The following XIST variants were observed in gnomAD, a reference collection of about 807,000 sequenced individuals.
XIST encodes X inactive specific transcript.
chrX:73,834,027 T>C (rs978847038), intron 2 of XIST, among the ~76,000 whole-genome samples: 2 of 112,033 alleles, frequency 1.8e-5, no homozygotes, highest in Non-Finnish European at 3.8e-5. Context: ...AACTGTTCTA[T>C]GATGTTCTCA....
chrX:73,845,988 T>C (rs770851860), exon 1 of XIST: 17 of 551,642 alleles, frequency 3.1e-5, no homozygotes, highest in Admixed American at 6.8e-5. Context: ...AAAGTGGTTA[T>C]GCACATTAAT....
exon 1 of XIST, chrX:73,849,880 G>C (rs1850612007): frequency 2.0e-6 from 1 of 498,707 alleles, no homozygotes; most frequent in Non-Finnish European, 3.6e-6. Flanking sequence ...CTGGGGCAGG[G>C]CTGGGGCGGG....
rs937751647 is a variant in XIST at position 73,837,396 on chromosome X, T to A, written n.11406+44A>T. The A allele has an allele frequency of 6.4e-6, 3 of 466,599 alleles. No individual in the cohort carries two copies. In the African/African-American group the frequency reaches 7.3e-5, roughly 11 times the overall value. 38.5% of individuals were successfully genotyped at this position (466,599 alleles called of 1,213,427 possible). A position where few individuals can be genotyped will look rare whatever the true frequency, so the allele number is the denominator to read the frequency against. On this transcript the variant is annotated intron_variant and non_coding_transcript_variant, in intron 2 of 5. Transcript: ENST00000429829. The stretch of plus-strand genomic sequence containing the variant: ...ATACTGGACCATTAGTCCTCAAAAC[T>A]GTGAAGTTCATCAAAAACAAAGAGT...
At chrX:73,823,157 G>A (rs1922163639) in exon 6 of XIST, 1 of 552,254 alleles carries the variant, frequency 1.8e-6, no homozygotes. Flanking sequence ...TGTAATAAAA[G>A]CAGAATGTTT....
exon 6 of XIST, chrX:73,821,730 A>T (rs759786128): frequency 1.9e-6 from 1 of 528,994 alleles, no homozygotes; most frequent in Admixed American, 2.5e-5. Flanking sequence ...GTCAAAGCCC[A>T]GCCAGGCCTA....
exon 1 of XIST, chrX:73,841,396 C>A: frequency 1.9e-6 from 1 of 531,703 alleles, no homozygotes; most frequent in South Asian, 2.5e-5. Flanking sequence ...TTCTAAAGAG[C>A]CAGAGACTCT....
At position 73,827,079 on chromosome X, in the gene XIST, T is replaced by C. The variant is rs770883840; in HGVS notation, n.12822A>G. The C allele has an allele frequency of 5.4e-6, 3 of 556,789 alleles. No homozygotes were observed. In the African/African-American group the frequency reaches 6.7e-5, roughly 12 times the overall value. The allele number at this position is 556,789 out of a possible 1,213,427, so 45.9% of individuals were successfully genotyped here. A position where few individuals can be genotyped will look rare whatever the true frequency, so the allele number is the denominator to read the frequency against. On this transcript the variant is annotated non_coding_transcript_exon_variant, in exon 6 of 6. Transcript: ENST00000429829. ...CTCGGGTCTCAAGTCTCAAACCATC[T>C]GTCTTATACTTTGGGCCTTCTATCC...
exon 6 of XIST, chrX:73,820,682 C>T (rs1175625461): frequency 1.9e-6 from 1 of 533,373 alleles, no homozygotes; most frequent in South Asian, 2.5e-5. Flanking sequence ...TTTTATTTTA[C>T]AATAGCAACC....
exon 1 of XIST, chrX:73,850,336 A>G (rs1468354359): frequency 3.7e-6 from 2 of 540,621 alleles, no homozygotes; most frequent in Admixed American, 2.4e-5. Context: ...ATTTTAAGGA[A>G]CTCAAAACAA....
chrX:73,837,483 C>T (rs1348994201), exon 2 of XIST: 2 of 508,886 alleles, frequency 3.9e-6, no homozygotes. Context: ...ACACATGCAG[C>T]GTGGTATCTT....
rs781579856 is a variant in XIST, at chrX:73,847,882, C to G, written n.4842G>C. ...CATTCATAGTCCCAGGGAAAGGTAA[C>G]ATAGGTAATTAATATCCCTTGCTGT... On this transcript the variant is annotated non_coding_transcript_exon_variant, in exon 1 of 6. Coordinates refer to ENST00000429829, the Ensembl canonical transcript of XIST. 2.3e-5 allele frequency: 13 copies of G among 557,146 alleles called. No individual in the cohort carries two copies. The East Asian group carries it at 4.2e-4, about 18-fold the overall frequency. 45.9% of individuals were successfully genotyped at this position (557,146 alleles called of 1,213,427 possible). A position where few individuals can be genotyped will look rare whatever the true frequency, so the allele number is the denominator to read the frequency against.
At chrX:73,837,863 C>A (rs753507475) in intron 1 of XIST, among the ~76,000 whole-genome samples, 6 of 111,312 alleles carry the variant, frequency 5.4e-5, no homozygotes, top group African/African-American at 1.6e-4. Context: ...CAGATCTGAT[C>A]TAAAGACTTA....
chrX:73,851,405 C>T (rs770361076), exon 1 of XIST: 2 of 559,295 alleles, frequency 3.6e-6, no homozygotes, highest in South Asian at 2.2e-5. Flanking sequence ...CCGCACATGT[C>T]CACCACCATG....
exon 1 of XIST, chrX:73,851,298 G>A (rs199614947): frequency 7.2e-6 from 4 of 557,615 alleles, no homozygotes; most frequent in Middle Eastern, 3.1e-4. Flanking sequence ...TTGTCCCTGC[G>A]GCAAAACCCA....
At chrX:73,852,660 A>G (rs1478813723) in exon 1 of XIST, 1 of 479,139 alleles carries the variant, frequency 2.1e-6, no homozygotes, top group Non-Finnish European at 3.6e-6. Flanking sequence ...AAGAACCCCA[A>G]GTGCAGAGAG....
intron 1 of XIST, among the ~76,000 whole-genome samples, chrX:73,840,284 CCAGA>C (rs201011663): frequency 0.02 from 2,254 of 110,579 alleles, 61 homozygotes; most frequent in African/African-American, 0.071. Flanking sequence ...CCTCAGTCAG[CCAGA>C]CAATGTTGTT....
chrX:73,839,981 G>C (rs1922557311), intron 1 of XIST, among the ~76,000 whole-genome samples: 1 of 110,906 alleles, frequency 9.0e-6, no homozygotes, highest in Non-Finnish European at 1.9e-5. Flanking sequence ...ATAGACCAGG[G>C]TTTCTCAAAT....
chrX:73,834,147 G>A (rs1387394400), intron 2 of XIST, among the ~76,000 whole-genome samples: 3 of 111,686 alleles, frequency 2.7e-5, no homozygotes, highest in Non-Finnish European at 5.6e-5. Context: ...TAAACATGGC[G>A]GTTCATACAT....
At chrX:73,850,261 CTT>C in exon 1 of XIST, 1 of 550,386 alleles carries the variant, frequency 1.8e-6, no homozygotes, top group South Asian at 2.4e-5. Flanking sequence ...AATGATTTGA[CTT>C]TGACTATCTA....
Sources: gnomAD v4.1 joint callset for allele counts (sites outside exome capture counted in the v4.1 genomes callset) on GRCh38, gnomAD v4.1.1 for gene constraint, MANE v1.5 for transcripts, NCBI Gene and HGNC (gene_info 2026-07-23, HGNC 2026-07-21) for gene names.